DIS3L2: variants seen among roughly 807,000 people sequenced by gnomAD.
The protein encoded by DIS3L2 is DIS3 like 3'-5' exoribonuclease 2, also known as DIS3-like exonuclease 2.
DIS3L2 carries 34 observed loss-of-function variants against 97.5 expected under a neutral mutation model. That is an observed-to-expected ratio of 0.35 (90% CI 0.27 to 0.46). The LOEUF is 0.46. DIS3L2 is among the 20% of genes least tolerant of loss of function. The pLI is 1.00. For missense variants in DIS3L2, 1,038 were observed against 1,146.0 expected (o/e 0.91, Z 1.36); for synonymous variants, 435 against 445.2 (o/e 0.98, Z 0.29).
chr2:232,342,944 T>A (rs1696145570), intron 13 of DIS3L2, among the ~76,000 whole-genome samples: 1 of 150,520 alleles, frequency 6.6e-6, no homozygotes, highest in East Asian at 2.0e-4. Context: ...ATCAAAGAGG[T>A]GTTCATGGGT....
At chr2:232,336,148 T>C (rs766574608) in intron 20 of DIS3L2, 10 of 1,534,056 alleles carry the variant, frequency 6.5e-6, no homozygotes, top group Non-Finnish European at 8.8e-6. Flanking sequence ...TAGGGTCCTT[T>C]AGAGAACCTG....
intron 10 of DIS3L2, among the ~76,000 whole-genome samples, chr2:232,218,826 A>G (rs754272436): frequency 6.6e-6 from 1 of 152,228 alleles, no homozygotes; most frequent in Non-Finnish European, 1.5e-5. Flanking sequence ...GGACCAGATC[A>G]TGTAGCTTTT....
intron 16 of DIS3L2, among the ~76,000 whole-genome samples, chr2:232,333,457 A>G (rs1575026904): frequency 6.6e-6 from 1 of 152,140 alleles, no homozygotes; most frequent in East Asian, 1.9e-4. Context: ...CAGGGACTGG[A>G]CTTCGGAGGC....
intron 1 of DIS3L2, among the ~76,000 whole-genome samples, chr2:231,974,508 A>T (rs1002160416): frequency 7.0e-6 from 1 of 143,540 alleles, no homozygotes. Context: ...CTCAGTTGAC[A>T]TGGTTTTTAT....
intron 9 of DIS3L2, among the ~76,000 whole-genome samples, chr2:232,200,637 G>A (rs1415947936): frequency 6.6e-6 from 1 of 151,938 alleles, no homozygotes; most frequent in Non-Finnish European, 1.5e-5. Flanking sequence ...AAAATTGGGG[G>A]CAGGAAAAAA....
intron 1 of DIS3L2, among the ~76,000 whole-genome samples, chr2:231,976,367 C>T (rs760562364): frequency 6.6e-6 from 1 of 152,116 alleles, no homozygotes; most frequent in Non-Finnish European, 1.5e-5. Context: ...CGGTAGCTCA[C>T]GCCTGTAATC....
At chr2:232,263,108 T>G in intron 12 of DIS3L2, 99 bp from the exon 13 acceptor site, 1 of 1,266,612 alleles carries the variant, frequency 7.9e-7, no homozygotes, top group South Asian at 1.4e-5. Context: ...CAGTGCTCAA[T>G]AAATCTTTGT....
At chr2:232,202,979 C>T (rs575627943) in intron 9 of DIS3L2, among the ~76,000 whole-genome samples, 1 of 152,318 alleles carries the variant, frequency 6.6e-6, no homozygotes, top group African/African-American at 2.4e-5. Context: ...ATGAATTCAG[C>T]ATCTGATTGT....
intron 5 of DIS3L2, among the ~76,000 whole-genome samples, chr2:232,070,953 C>G (rs1055859270): frequency 1.3e-5 from 2 of 152,122 alleles, no homozygotes; most frequent in African/African-American, 4.8e-5. Context: ...CAGAACACTT[C>G]TAATTCTGAT....
Position 232,208,011 on chromosome 2 carries a change from C to T in DIS3L2, c.1125-2315C>T, listed in dbSNP as rs73996930. On this transcript the variant is annotated intron_variant, in intron 9 of 20. Coordinates refer to ENST00000325385, the MANE Select transcript of DIS3L2 (RefSeq NM_152383.5). The stretch of plus-strand genomic sequence containing the variant: ...ATTAATCCATAAATCTAGCACCCGT[C>T]GATCAACCCTATGAATATTTAACAT... 2.1e-3 allele frequency among the ~76,000 whole-genome samples: 319 copies of T among 152,182 alleles called. 2 individuals are homozygous for T. The highest frequency in any genetic ancestry group is 7.1e-3 in the African/African-American group (293 of 41,516).
chr2:232,217,735 G>C (rs1169579213), intron 10 of DIS3L2, among the ~76,000 whole-genome samples: 1 of 152,198 alleles, frequency 6.6e-6, no homozygotes, highest in East Asian at 1.9e-4. Context: ...AGGTATGGGG[G>C]AAGGGATGTG....
chr2:232,149,549 G>GTA (rs1367130539), intron 8 of DIS3L2, among the ~76,000 whole-genome samples: 1 of 149,058 alleles, frequency 6.7e-6, no homozygotes, highest in Admixed American at 6.6e-5. Flanking sequence ...TGGCTGCATA[G>GTA]TATTCCATGG....
At chr2:232,262,905 C>A (rs116172542) in intron 12 of DIS3L2, among the ~76,000 whole-genome samples, 255 of 152,304 alleles carry the variant, frequency 1.7e-3, no homozygotes, top group Non-Finnish European at 3.1e-3. Flanking sequence ...TGCCCACTCA[C>A]CGAAACTAAT....
At chr2:232,271,962 A>C (rs1293775532) in intron 13 of DIS3L2, among the ~76,000 whole-genome samples, 1 of 152,208 alleles carries the variant, frequency 6.6e-6, no homozygotes, top group African/African-American at 2.4e-5. Flanking sequence ...TGACCTAATT[A>C]TATATAAGCA....
At chr2:231,978,439 C>T (rs372889557) in intron 1 of DIS3L2, 3 of 152,162 alleles carry the variant, frequency 2.0e-5, no homozygotes, top group East Asian at 3.8e-4. Context: ...TTTCCCATAG[C>T]GTCAAATGTG....
At chr2:232,102,113 A>G (rs1040901017) in intron 6 of DIS3L2, among the ~76,000 whole-genome samples, 7 of 152,230 alleles carry the variant, frequency 4.6e-5, no homozygotes, top group African/African-American at 1.4e-4. Flanking sequence ...ATTGAATATC[A>G]TTGTCTGTGA....
chr2:231,975,803 G>A (rs546988796), intron 1 of DIS3L2, among the ~76,000 whole-genome samples: 3 of 151,846 alleles, frequency 2.0e-5, no homozygotes, highest in Non-Finnish European at 4.4e-5. Context: ...GGAGAGGGAT[G>A]TGGTTAGAGA....
chr2:232,229,905 C>T (rs1692744898), intron 10 of DIS3L2, among the ~76,000 whole-genome samples: 2 of 152,178 alleles, frequency 1.3e-5, no homozygotes, highest in Admixed American at 1.3e-4. Context: ...AATCCAGACT[C>T]TTCAAATCCT....
intron 13 of DIS3L2, among the ~76,000 whole-genome samples, chr2:232,271,621 A>C (rs1227777990): frequency 6.6e-6 from 1 of 152,190 alleles, no homozygotes; most frequent in Non-Finnish European, 1.5e-5. Context: ...AATATTAGCA[A>C]AATTTTCATT....
Sources: allele counts gnomAD v4.1 joint callset (sites outside exome capture counted in the v4.1 genomes callset), GRCh38; gene constraint gnomAD v4.1.1; transcripts MANE v1.5; gene names NCBI Gene and HGNC (gene_info 2026-07-23, HGNC 2026-07-21).